Variants in CNTN5 observed in about 807,000 individuals in gnomAD.
CNTN5 encodes contactin-5.
A neutral mutation model predicts 129.1 loss-of-function variants in CNTN5; 77 were observed. The ratio of observed to expected loss-of-function variants is 0.60; its 90% CI spans 0.50 to 0.72. The LOEUF is 0.72. Ranked by LOEUF, CNTN5 falls within the 30% of genes least tolerant of loss-of-function variation. The pLI is 0.00. For missense variants in CNTN5, 1,478 were observed against 1,328.8 expected (o/e 1.11, Z -1.75); for synonymous variants, 509 against 465.6 (o/e 1.09, Z -1.20).
intron 2 of CNTN5, among the ~76,000 whole-genome samples, chr11:99,436,367 A>T (rs1026839552): frequency 2.6e-5 from 4 of 152,222 alleles, no homozygotes; most frequent in Non-Finnish European, 4.4e-5. Flanking sequence ...GCTCAGATCC[A>T]CAATGAGACT....
chr11:99,637,216 C>G (rs1466652338), intron 3 of CNTN5, among the ~76,000 whole-genome samples: 1 of 151,094 alleles, frequency 6.6e-6, no homozygotes, highest in African/African-American at 2.4e-5. Flanking sequence ...ATTTTAGAAA[C>G]AACTTAAACC....
chr11:99,391,351 T>G (rs777363602), intron 2 of CNTN5, among the ~76,000 whole-genome samples: 1 of 152,148 alleles, frequency 6.6e-6, no homozygotes, highest in Non-Finnish European at 1.5e-5. Context: ...TGTCATCTAA[T>G]TCCATTTCTA....
chr11:99,193,603 A>T (rs2135598116), intron 1 of CNTN5, among the ~76,000 whole-genome samples: 1 of 152,278 alleles, frequency 6.6e-6, no homozygotes, highest in Non-Finnish European at 1.5e-5. Context: ...TCAATGATAA[A>T]AGAGCCATAA....
At chr11:100,306,965 G>A (rs1951363900) in intron 20 of CNTN5, among the ~76,000 whole-genome samples, 1 of 151,696 alleles carries the variant, frequency 6.6e-6, no homozygotes, top group Non-Finnish European at 1.5e-5. Flanking sequence ...CACAATTATA[G>A]CAAGTGTTTT....
chr11:99,946,470 AAT>A (rs755643835), intron 7 of CNTN5, among the ~76,000 whole-genome samples: 159 of 152,246 alleles, frequency 1.0e-3, no homozygotes, highest in Middle Eastern at 3.4e-3. Flanking sequence ...TTAGATTTTA[AAT>A]AGTCAATCTC....
intron 3 of CNTN5, among the ~76,000 whole-genome samples, chr11:99,691,641 C>A (rs1954043833): frequency 6.6e-6 from 1 of 152,036 alleles, no homozygotes; most frequent in Admixed American, 6.6e-5. Flanking sequence ...AGTTCTTTTG[C>A]ATTTTCTGAG....
intron 9 of CNTN5, among the ~76,000 whole-genome samples, chr11:100,051,808 T>A (rs978387312): frequency 1.3e-5 from 2 of 151,882 alleles, no homozygotes; most frequent in African/African-American, 4.8e-5. Flanking sequence ...AGGAAGGCAA[T>A]GTTAACTGAC....
intron 1 of CNTN5, among the ~76,000 whole-genome samples, chr11:99,255,926 A>G (rs73534979): frequency 0.017 from 2,606 of 152,078 alleles, 87 homozygotes; most frequent in African/African-American, 0.06. Flanking sequence ...AGTTCTTTTT[A>G]AAGATAAGGA....
chr11:99,250,475 G>C (rs1017774560), intron 1 of CNTN5, among the ~76,000 whole-genome samples: 1 of 151,818 alleles, frequency 6.6e-6, no homozygotes, highest in Non-Finnish European at 1.5e-5. Flanking sequence ...AAAGCCTCTT[G>C]GTATGTTTGA....
chr11:100,002,611 TAG>T (rs1466123344), intron 9 of CNTN5, among the ~76,000 whole-genome samples: 2 of 152,114 alleles, frequency 1.3e-5, no homozygotes, highest in Non-Finnish European at 2.9e-5. Context: ...CATAACTTAA[TAG>T]CACCAGCTGT....
chr11:100,349,500 A>C (rs138422513), intron 23 of CNTN5, among the ~76,000 whole-genome samples: 119 of 151,902 alleles, frequency 7.8e-4, no homozygotes, highest in African/African-American at 2.7e-3. Context: ...TAAAACACTA[A>C]AATTGTTATT....
intron 15 of CNTN5, among the ~76,000 whole-genome samples, chr11:100,218,704 T>G (rs1298777939): frequency 6.6e-6 from 1 of 152,226 alleles, no homozygotes; most frequent in Non-Finnish European, 1.5e-5. Flanking sequence ...AACAAGGTCT[T>G]AACATATGAG....
In CNTN5 at chr11:99,681,659, T is replaced by C. The variant is rs573020599; in HGVS notation, c.55+125390T>C. ...TGCCAAAAAATTTTTGTGGCTGTAT[T>C]GCAATATACACTTCATTGCAGTTGT... On this transcript the variant is annotated intron_variant, in intron 3 of 24. Coordinates refer to ENST00000524871, the MANE Select transcript of CNTN5 (RefSeq NM_014361.4). Among the ~76,000 whole-genome samples the C allele has an allele frequency of 2.0e-5, 3 of 152,210 alleles. No individual in the cohort carries two copies. In the South Asian group the frequency reaches 6.2e-4, roughly 32 times the overall value.
intron 8 of CNTN5, among the ~76,000 whole-genome samples, chr11:99,963,479 A>G (rs992063153): frequency 1.3e-5 from 2 of 151,982 alleles, no homozygotes; most frequent in Non-Finnish European, 2.9e-5. Flanking sequence ...GATATGCAGC[A>G]TTATTTCTGA....
intron 20 of CNTN5, among the ~76,000 whole-genome samples, chr11:100,306,396 C>A (rs1951350348): frequency 6.6e-6 from 1 of 151,576 alleles, no homozygotes; most frequent in Non-Finnish European, 1.5e-5. Flanking sequence ...GCTACCCCAC[C>A]ACATGTTTTG....
At chr11:99,853,281 A>T (rs1273985088) in intron 6 of CNTN5, among the ~76,000 whole-genome samples, 1 of 152,186 alleles carries the variant, frequency 6.6e-6, no homozygotes, top group Non-Finnish European at 1.5e-5. Context: ...TGTAACGAAT[A>T]GATAGACGGA....
chr11:99,553,973 C>CAA (rs1948580496), intron 2 of CNTN5, among the ~76,000 whole-genome samples: 2 of 118,822 alleles, frequency 1.7e-5, no homozygotes, highest in Admixed American at 9.1e-5. Context: ...AATACACACA[C>CAA]ACACACACAC....
Position 99,796,239 on chromosome 11 carries a change from C to A in CNTN5, c.56-23305C>A, listed in dbSNP as rs530714697. ...GGGTTGGGGACAGGTCTGCTGGAAT[C>A]TCTGGGCACATTTGCACCAGCAATG... On this transcript the variant is annotated intron_variant, in intron 3 of 24. Transcript: ENST00000524871. Among the ~76,000 whole-genome samples the A allele has an allele frequency of 3.5e-4, 54 of 152,248 alleles. No homozygotes were observed. In the South Asian group the frequency reaches 0.011, roughly 30 times the overall value.
At chr11:99,125,875 G>T (rs1280537021) in intron 1 of CNTN5, among the ~76,000 whole-genome samples, 1 of 151,866 alleles carries the variant, frequency 6.6e-6, no homozygotes, top group African/African-American at 2.4e-5. Flanking sequence ...CAATGAAAAT[G>T]GTAATACCAT....
Sources: allele counts gnomAD v4.1 joint callset (sites outside exome capture counted in the v4.1 genomes callset), GRCh38; gene constraint gnomAD v4.1.1; transcripts MANE v1.5; gene names NCBI Gene and HGNC (gene_info 2026-07-23, HGNC 2026-07-21).